Variants in ARNT2 observed in about 807,000 individuals in gnomAD.
The protein encoded by ARNT2 is aryl hydrocarbon receptor nuclear translocator 2.
In ARNT2, 36 loss-of-function variants were observed where a neutral mutation model predicts 91.7. The observed-to-expected ratio is 0.39, with a 90% CI of 0.30 to 0.52. ARNT2 has a LOEUF of 0.52. ARNT2 is among the 20% of genes least tolerant of loss of function. The pLI is 0.72. For synonymous variants in ARNT2, 365 were observed against 347.1 expected, an observed-to-expected ratio of 1.05 and a Z score of -0.57; for missense variants, 775 against 939.3, an observed-to-expected ratio of 0.83 and a Z score of 2.29.
At chr15:80,465,940 G>A (rs568085304) in intron 3 of ARNT2, among the ~76,000 whole-genome samples, 193 of 152,184 alleles carry the variant, frequency 1.3e-3, no homozygotes, top group Non-Finnish European at 2.5e-3. Context: ...ACTCTCTGTT[G>A]CCCCTGCTTT....
intron 7 of ARNT2, 123 bp from the exon 8 acceptor site, chr15:80,514,197 A>C (rs1334670334): frequency 7.6e-5 from 80 of 1,053,570 alleles, no homozygotes; most frequent in Non-Finnish European, 4.6e-5. Context: ...GATGGTGAGG[A>C]GTCAAGATTC....
chr15:80,438,607 T>C (rs1896131403), intron 1 of ARNT2, among the ~76,000 whole-genome samples: 1 of 152,232 alleles, frequency 6.6e-6, no homozygotes, highest in African/African-American at 2.4e-5. Context: ...TATTCTGTTT[T>C]ATAGTAGTAT....
intron 12 of ARNT2, among the ~76,000 whole-genome samples, chr15:80,569,095 A>G (rs1430998594): frequency 6.6e-6 from 1 of 152,188 alleles, no homozygotes; most frequent in Non-Finnish European, 1.5e-5. Flanking sequence ...CTCCATCCCC[A>G]GACGCCTCCC....
chr15:80,509,817 G>A (rs1477049192), intron 6 of ARNT2, among the ~76,000 whole-genome samples: 1 of 152,166 alleles, frequency 6.6e-6, no homozygotes, highest in East Asian at 1.9e-4. Flanking sequence ...GCATGTTCAA[G>A]GAACAGTGAG....
rs751148414 is a variant in ARNT2, at chr15:80,573,361, C to T, written c.1317-787C>T. On this transcript the variant is annotated intron_variant, in intron 12 of 18. Transcript: ENST00000303329. ...TATTTATTTATTTTGCTTGAATTGT[C>T]TGTTCATATGCTTTAAATTGATTGC... Among the ~76,000 whole-genome samples, 38 of 152,060 alleles carry T rather than the reference C, an allele frequency of 2.5e-4. 1 individual carries two copies. Among genetic ancestry groups the T allele is most frequent in the Middle Eastern group, 3.2e-3 (1 of 316 alleles).
intron 8 of ARNT2, among the ~76,000 whole-genome samples, chr15:80,524,305 A>C (rs1337411146): frequency 6.6e-6 from 1 of 152,256 alleles, no homozygotes; most frequent in Non-Finnish European, 1.5e-5. Context: ...TGGTGAAAAA[A>C]TAGGTTAGTA....
At chr15:80,473,646 C>T (rs567860815) in intron 4 of ARNT2, among the ~76,000 whole-genome samples, 5 of 152,276 alleles carry the variant, frequency 3.3e-5, no homozygotes, top group South Asian at 4.2e-4. Context: ...ATAAACTTAT[C>T]CTTAAAAAAT....
At chr15:80,557,007 T>C (rs1320852908) in intron 11 of ARNT2, 1 of 152,186 alleles carries the variant, frequency 6.6e-6, no homozygotes, top group African/African-American at 2.4e-5. Context: ...GAGGGAATAA[T>C]AGTTTGTCAT....
At chr15:80,504,088 C>G (rs1434775440) in intron 5 of ARNT2, among the ~76,000 whole-genome samples, 1 of 152,228 alleles carries the variant, frequency 6.6e-6, no homozygotes, top group Non-Finnish European at 1.5e-5. Flanking sequence ...TTTCACTCCC[C>G]CACACCTTCC....
intron 17 of ARNT2, among the ~76,000 whole-genome samples, chr15:80,583,435 C>G (rs754595492): frequency 6.6e-6 from 1 of 152,184 alleles, no homozygotes; most frequent in Non-Finnish European, 1.5e-5. Flanking sequence ...ACAGGAAGGA[C>G]GAAGCCCTGG....
At chr15:80,463,580 T>C (rs1008663501) in intron 3 of ARNT2, among the ~76,000 whole-genome samples, 2 of 89,430 alleles carry the variant, frequency 2.2e-5, no homozygotes, top group African/African-American at 6.8e-5. Context: ...ATTTCCTTTT[T>C]TTTTTTTTTT....
At chr15:80,539,366 A>G (rs1304550473) in intron 8 of ARNT2, among the ~76,000 whole-genome samples, 2 of 152,174 alleles carry the variant, frequency 1.3e-5, no homozygotes, top group Non-Finnish European at 2.9e-5. Flanking sequence ...TCAAGGAAAA[A>G]AACTATTGAC....
At chr15:80,416,352 A>G (rs1595953100) in intron 1 of ARNT2, among the ~76,000 whole-genome samples, 1 of 151,980 alleles carries the variant, frequency 6.6e-6, no homozygotes, top group Non-Finnish European at 1.5e-5. Flanking sequence ...AGTGGCATAC[A>G]CAATGTGCCT....
Position 80,450,807 on chromosome 15 carries a change from G to A in ARNT2, c.32-73G>A, listed in dbSNP as rs151237649. The A allele has an allele frequency of 1.1e-4, 155 of 1,451,510 alleles. 1 individual carries two copies. The African/African-American group carries it at 1.3e-3, about 12-fold the overall frequency. The allele number at this position is 1,451,510 out of a possible 1,614,324, so 89.9% of individuals were successfully genotyped here. A position where few individuals can be genotyped will look rare whatever the true frequency, so the allele number is the denominator to read the frequency against. ...CTGCGCAGGTGGTGCTTCTGGTACC[G>A]TATCACAACTTTCTTGCCCGTTACT... On this transcript the variant is annotated intron_variant, in intron 1 of 18. Transcript: ENST00000303329.
At chr15:80,460,584 T>A (rs976048528) in intron 3 of ARNT2, among the ~76,000 whole-genome samples, 2 of 152,182 alleles carry the variant, frequency 1.3e-5, no homozygotes, top group Admixed American at 1.3e-4. Flanking sequence ...TTCATGCCAT[T>A]CGGGGAGCTG....
intron 5 of ARNT2, among the ~76,000 whole-genome samples, chr15:80,491,644 A>G (rs1461673249): frequency 1.3e-5 from 2 of 152,108 alleles, no homozygotes; most frequent in Non-Finnish European, 2.9e-5. Context: ...TCCAATTTGC[A>G]TTTTTATATA....
intron 8 of ARNT2, among the ~76,000 whole-genome samples, chr15:80,529,577 C>T (rs79569175): frequency 0.027 from 4,129 of 151,076 alleles, 185 homozygotes; most frequent in African/African-American, 0.095. Flanking sequence ...AGAATTTTCA[C>T]TCAAGTGAAT....
chr15:80,578,220 C>T (rs1474093952), intron 15 of ARNT2, among the ~76,000 whole-genome samples: 2 of 152,082 alleles, frequency 1.3e-5, no homozygotes, highest in African/African-American at 4.8e-5. Context: ...AGTTCAAAGG[C>T]AAGGGGACAG....
At chr15:80,482,905 G>A (rs1284025426) in intron 5 of ARNT2, among the ~76,000 whole-genome samples, 1 of 152,182 alleles carries the variant, frequency 6.6e-6, no homozygotes, top group Non-Finnish European at 1.5e-5. Context: ...CAACTGACTT[G>A]GTGAAACCAT....
Sources: allele counts gnomAD v4.1 joint callset (sites outside exome capture counted in the v4.1 genomes callset), GRCh38; gene constraint gnomAD v4.1.1; transcripts MANE v1.5; gene names NCBI Gene and HGNC (gene_info 2026-07-23, HGNC 2026-07-21).